The following EYS variants were observed in gnomAD, a reference collection of about 807,000 sequenced individuals.
The protein encoded by EYS is EGF-like photoreceptor maintenance factor, also known as protein eyes shut homolog.
EYS carries 250 observed loss-of-function variants against 282.1 expected under a neutral mutation model. That is an observed-to-expected ratio of 0.89 (90% CI 0.80 to 0.98). EYS has a LOEUF of 0.98. Among genes scored for constraint, EYS ranks in the 50% least tolerant of loss-of-function variants. The pLI, the probability that EYS is intolerant of heterozygous loss-of-function variation, is 0.00. For synonymous variants in EYS, 1,355 were observed against 1,282.9 expected, an observed-to-expected ratio of 1.06 and a Z score of -1.20; for missense variants, 4,016 against 3,709.0, an observed-to-expected ratio of 1.08 and a Z score of -2.15.
chr6:63,961,408 C>G (rs1247696038), intron 35 of EYS, among the ~76,000 whole-genome samples: 1 of 151,682 alleles, frequency 6.6e-6, no homozygotes, highest in Non-Finnish European at 1.5e-5. Context: ...AGAAGCTCCC[C>G]CACTGAGCAC....
chr6:65,246,275 A>G (rs896592948), intron 12 of EYS, among the ~76,000 whole-genome samples: 2 of 152,126 alleles, frequency 1.3e-5, no homozygotes, highest in South Asian at 2.1e-4. Context: ...TGAAACTGAC[A>G]TACAGAGAGT....
intron 33 of EYS, among the ~76,000 whole-genome samples, chr6:64,034,961 G>C (rs1770039911): frequency 6.6e-6 from 1 of 152,172 alleles, no homozygotes. Flanking sequence ...CTTTCTGTTT[G>C]GAATTAAAAG....
chr6:65,544,491 G>A (rs1195565349), intron 2 of EYS, among the ~76,000 whole-genome samples: 1 of 151,956 alleles, frequency 6.6e-6, no homozygotes, highest in Non-Finnish European at 1.5e-5. Context: ...TAGATCTGAT[G>A]GTTTTATAAG....
intron 12 of EYS, among the ~76,000 whole-genome samples, chr6:65,172,823 A>G (rs937789528): frequency 6.6e-6 from 1 of 151,234 alleles, no homozygotes; most frequent in African/African-American, 2.4e-5. Context: ...TGTTGATCTT[A>G]GATAAGAGAA....
chr6:63,744,990 T>C, intron 41 of EYS: 1 of 433,532 alleles, frequency 2.3e-6, no homozygotes, highest in South Asian at 1.7e-5. Context: ...GATAAATTAT[T>C]TGAAAACATC....
intron 35 of EYS, 107 bp from the exon 36 acceptor site, chr6:63,864,465 T>G: frequency 1.3e-6 from 1 of 741,200 alleles, no homozygotes; most frequent in African/African-American, 1.9e-5. Context: ...AAATTATAAT[T>G]GCATCTTTTC....
chr6:65,353,371 T>C, intron 9 of EYS, 87 bp downstream of exon 9: 1 of 1,124,810 alleles, frequency 8.9e-7, no homozygotes, highest in Admixed American at 1.8e-5. Flanking sequence ...AGATATAAAA[T>C]ACTTTGTGTG....
At chr6:63,849,735 T>G (rs377411365) in intron 36 of EYS, among the ~76,000 whole-genome samples, 10 of 152,016 alleles carry the variant, frequency 6.6e-5, no homozygotes, top group East Asian at 5.8e-4. Flanking sequence ...AGTGCAAAAA[T>G]GCTGAAAATT....
At chr6:65,668,165 G>A (rs953396300) in intron 1 of EYS, among the ~76,000 whole-genome samples, 2 of 151,682 alleles carry the variant, frequency 1.3e-5, no homozygotes, top group East Asian at 1.9e-4. Flanking sequence ...TTCTAATTAG[G>A]TGTTGTCTTT....
chr6:64,748,098 A>G (rs778900263), intron 22 of EYS, among the ~76,000 whole-genome samples: 2 of 152,202 alleles, frequency 1.3e-5, no homozygotes, highest in African/African-American at 2.4e-5. Context: ...CAAACTAACT[A>G]TTGGATTAGC....
At chr6:64,459,716 C>G (rs887169298) in intron 26 of EYS, among the ~76,000 whole-genome samples, 1 of 152,150 alleles carries the variant, frequency 6.6e-6, no homozygotes, top group African/African-American at 2.4e-5. Context: ...ACTGAGCAGT[C>G]TCTTCACTCC....
chr6:64,101,632 C>T (rs1399342032), intron 31 of EYS, among the ~76,000 whole-genome samples: 1 of 151,262 alleles, frequency 6.6e-6, no homozygotes, highest in Non-Finnish European at 1.5e-5. Context: ...GAGTAATAGT[C>T]TAATAGTCTA....
chr6:65,200,541 C>A (rs557782646), intron 12 of EYS, among the ~76,000 whole-genome samples: 1 of 151,182 alleles, frequency 6.6e-6, no homozygotes, highest in Non-Finnish European at 1.5e-5. Context: ...GTCAGAGAGA[C>A]AAAAGAGAAA....
At chr6:65,653,847 A>G (rs903272008) in intron 1 of EYS, among the ~76,000 whole-genome samples, 2 of 151,888 alleles carry the variant, frequency 1.3e-5, no homozygotes, top group African/African-American at 4.8e-5. Flanking sequence ...AGTGTCCTCT[A>G]CATCTCACAT....
At chr6:64,172,896 C>A (rs769023433) in intron 31 of EYS, among the ~76,000 whole-genome samples, 4 of 152,256 alleles carry the variant, frequency 2.6e-5, no homozygotes, top group South Asian at 2.1e-4. Context: ...TGTTTCGTCT[C>A]GAAACCATCC....
At chr6:65,620,727 C>T (rs555598509) in intron 2 of EYS, among the ~76,000 whole-genome samples, 124 of 151,140 alleles carry the variant, frequency 8.2e-4, no homozygotes, top group South Asian at 4.0e-3. Flanking sequence ...GCTTTGAATG[C>T]GTCCCAGAGA....
chr6:64,017,600 G>A (rs1582138639), intron 33 of EYS, among the ~76,000 whole-genome samples: 1 of 152,188 alleles, frequency 6.6e-6, no homozygotes, highest in Non-Finnish European at 1.5e-5. Context: ...CCTGAAGCCA[G>A]TGTACTTGGG....
chr6:64,404,857 C>T (rs1192475751), intron 28 of EYS, among the ~76,000 whole-genome samples: 1 of 151,998 alleles, frequency 6.6e-6, no homozygotes, highest in Non-Finnish European at 1.5e-5. Flanking sequence ...CGTAAGAAGG[C>T]ATGAGTTGAA....
chr6:65,443,412 A>G (rs1010545652), intron 5 of EYS, among the ~76,000 whole-genome samples: 1 of 148,892 alleles, frequency 6.7e-6, no homozygotes, highest in African/African-American at 2.4e-5. Context: ...GTACACATAT[A>G]GCCATATATG....
Sources: gnomAD v4.1 joint callset for allele counts (sites outside exome capture counted in the v4.1 genomes callset) on GRCh38, gnomAD v4.1.1 for gene constraint, MANE v1.5 for transcripts, NCBI Gene and HGNC (gene_info 2026-07-23, HGNC 2026-07-21) for gene names.